The following ASPH variants were observed in gnomAD, a reference collection of about 807,000 sequenced individuals.
The protein encoded by ASPH is aspartyl/asparaginyl beta-hydroxylase.
ASPH carries 100 observed loss-of-function variants against 118.4 expected under a neutral mutation model. The ratio of observed to expected loss-of-function variants is 0.84; its 90% CI spans 0.72 to 1.00. The LOEUF is 1.00. ASPH is among the 50% of genes least tolerant of loss of function. The pLI is 0.00. For synonymous variants in ASPH, 315 were observed against 325.6 expected (o/e 0.97, Z 0.35); for missense variants, 920 against 919.5 (o/e 1.00, Z -0.01).
At chr8:61,514,696 G>A (rs533545364) in intron 24 of ASPH, among the ~76,000 whole-genome samples, 2 of 152,108 alleles carry the variant, frequency 1.3e-5, no homozygotes, top group South Asian at 2.1e-4. Flanking sequence ...GCGACAGAGC[G>A]AGACTCTGTC....
rs758828925 is a variant in ASPH at position 61,553,051 on chromosome 8, G to A, written c.1606C>T (p.Gln536Ter). Residue 536 changes from glutamine (Q) to a stop codon, truncating the protein, a stop_gained, in exon 20 of 25, where the codon CAG (glutamine) becomes TAG (stop). Transcript: ENST00000379454. LOFTEE classifies it high-confidence loss of function. The part of the protein sequence containing the change: ...RFYFHLGDAM[Q>*]RVGNKEAYKW... ...ATTACCTCTTTGTTCCCAACCCTCT[G>A]CATGGCATCCCCCAGGTGGAAATAA... 1 of 1,613,416 alleles carries A rather than the reference G, an allele frequency of 6.2e-7. No homozygotes were observed. The highest frequency in any genetic ancestry group is 1.1e-5 in the South Asian group (1 of 91,054).
chr8:61,530,160 C>T (rs1388787229), intron 21 of ASPH, among the ~76,000 whole-genome samples: 1 of 152,178 alleles, frequency 6.6e-6, no homozygotes, highest in African/African-American at 2.4e-5. Flanking sequence ...CAGGCAATGC[C>T]TACATTTTTA....
At chr8:61,586,798 T>C (rs1034968276) in intron 14 of ASPH, among the ~76,000 whole-genome samples, 8 of 151,954 alleles carry the variant, frequency 5.3e-5, no homozygotes, top group African/African-American at 1.9e-4. Context: ...ACAGGGGAGG[T>C]GATATGACTT....
chr8:61,536,067 T>C (rs1050904209), intron 21 of ASPH, among the ~76,000 whole-genome samples: 2 of 129,562 alleles, frequency 1.5e-5, no homozygotes, highest in African/African-American at 2.9e-5. Context: ...GAGACAAGAG[T>C]CTCACTCTGT....
intron 24 of ASPH, among the ~76,000 whole-genome samples, chr8:61,506,675 G>A (rs1453445464): frequency 2.0e-5 from 3 of 152,124 alleles, no homozygotes; most frequent in East Asian, 3.9e-4. Context: ...TGTCTTCATC[G>A]GCATAATTGA....
intron 3 of ASPH, among the ~76,000 whole-genome samples, chr8:61,671,720 G>C (rs1465040149): frequency 6.6e-6 from 1 of 152,212 alleles, no homozygotes; most frequent in Non-Finnish European, 1.5e-5. Flanking sequence ...TCTTCCCTTA[G>C]AACGTAAGAG....
chr8:61,554,776 C>T (rs1228829215), intron 19 of ASPH, among the ~76,000 whole-genome samples: 3 of 152,158 alleles, frequency 2.0e-5, no homozygotes, highest in East Asian at 1.9e-4. Flanking sequence ...CTCAGTCTGT[C>T]GCTCACGCTG....
At chr8:61,564,590 C>T (rs144501170) in intron 17 of ASPH, among the ~76,000 whole-genome samples, 74 of 152,294 alleles carry the variant, frequency 4.9e-4, no homozygotes, top group Middle Eastern at 3.4e-3. Flanking sequence ...TGAGCCACTG[C>T]GTCCGGGCAG....
At chr8:61,638,232 A>T in intron 11 of ASPH, 90 bp downstream of exon 11, 1 of 1,477,200 alleles carries the variant, frequency 6.8e-7, no homozygotes, top group Non-Finnish European at 9.2e-7. Context: ...CATTTTTTCT[A>T]CACTGACTCT....
chr8:61,691,649 T>C (rs1259650481), intron 1 of ASPH, among the ~76,000 whole-genome samples: 1 of 152,172 alleles, frequency 6.6e-6, no homozygotes, highest in East Asian at 1.9e-4. Flanking sequence ...GGCAGCTTGG[T>C]ATGCTTTCAT....
chr8:61,532,162 T>C (rs1398394867), intron 21 of ASPH, among the ~76,000 whole-genome samples: 1 of 152,190 alleles, frequency 6.6e-6, no homozygotes, highest in East Asian at 1.9e-4. Context: ...ACAGTGTACA[T>C]GTGTTCCCTT....
chr8:61,577,092 C>T (rs751785209), intron 15 of ASPH, among the ~76,000 whole-genome samples: 4 of 152,014 alleles, frequency 2.6e-5, no homozygotes, highest in South Asian at 2.1e-4. Context: ...AACCAAACAT[C>T]GCATGTTCTC....
At chr8:61,548,773 T>C (rs1824816350) in intron 20 of ASPH, among the ~76,000 whole-genome samples, 1 of 152,148 alleles carries the variant, frequency 6.6e-6, no homozygotes. Context: ...GGGCAATAAA[T>C]ACAGTGATAG....
intron 15 of ASPH, among the ~76,000 whole-genome samples, chr8:61,580,816 T>C (rs942697039): frequency 6.6e-6 from 1 of 152,224 alleles, no homozygotes; most frequent in African/African-American, 2.4e-5. Flanking sequence ...AAGGCCCAAC[T>C]GGATAATCCA....
intron 5 of ASPH, among the ~76,000 whole-genome samples, chr8:61,650,775 C>G (rs1185843726): frequency 6.6e-6 from 1 of 152,170 alleles, no homozygotes; most frequent in Non-Finnish European, 1.5e-5. Context: ...CCTTCTGTTC[C>G]TGATGGATCA....
At chr8:61,680,925 G>T (rs1563559671) in intron 3 of ASPH, 43 bp downstream of exon 3, 1 of 1,495,826 alleles carries the variant, frequency 6.7e-7, no homozygotes, top group Non-Finnish European at 9.1e-7. Flanking sequence ...ATTGTTTCCA[G>T]CATTTTATCA....
chr8:61,625,725 T>G, intron 13 of ASPH: 1 of 985,394 alleles, frequency 1.0e-6, no homozygotes, highest in Non-Finnish European at 1.2e-6. Flanking sequence ...GTAGAAATTT[T>G]TGATAAGAAT....
chr8:61,704,696 G>C (rs941628149), intron 1 of ASPH, among the ~76,000 whole-genome samples: 1 of 152,048 alleles, frequency 6.6e-6, no homozygotes, highest in Non-Finnish European at 1.5e-5. Flanking sequence ...AAGATAATGG[G>C]TGTAGCCAAT....
Position 61,638,001 on chromosome 8 carries a change from C to T in ASPH, c.835G>A (p.Val279Ile), listed in dbSNP as rs1477784606. ...LENEGIEITE[V>I]TAPPEDNPVE... ...GGATTATCCTCAGGGGGAGCAGTTA[C>T]TTCTAAAATAAAGAATAAAATCAGA... The change falls in exon 12 of 25, where the codon GTA becomes ATA. Residue 279 changes from valine (V) to isoleucine (I), a missense_variant and splice_region_variant. Physicochemically the swap from Val to Ile is conservative, Grantham distance 29. Transcript: ENST00000379454. The T allele has an allele frequency of 6.2e-7, 1 of 1,606,786 alleles. No homozygotes were observed. The highest frequency in any genetic ancestry group is 8.5e-7 in the Non-Finnish European group (1 of 1,177,136).
Sources: gnomAD v4.1 joint callset for allele counts (sites outside exome capture counted in the v4.1 genomes callset) on GRCh38, gnomAD v4.1.1 for gene constraint, MANE v1.5 for transcripts, NCBI Gene and HGNC (gene_info 2026-07-23, HGNC 2026-07-21) for gene names.